Variants in NELL1 observed in about 807,000 individuals in gnomAD.
NELL1 encodes the protein neural EGFL like 1.
In NELL1, 76 loss-of-function variants were observed where a neutral mutation model predicts 107.4. The observed-to-expected ratio is 0.71, with a 90% confidence interval of 0.59 to 0.86. The LOEUF (loss-of-function observed/expected upper bound fraction) is 0.86, where lower values mean the gene tolerates loss of function less well. Ranked by LOEUF, NELL1 falls within the 40% of genes least tolerant of loss-of-function variation. The probability of loss-of-function intolerance (pLI) is 0.00; values close to 1 mark genes in which losing one functional copy is unlikely to be tolerated. For synonymous variants in NELL1, 353 were observed against 341.2 expected, an observed-to-expected ratio of 1.03 and a Z score of -0.38; for missense variants, 1,024 against 1,005.5, an observed-to-expected ratio of 1.02 and a Z score of -0.25.
At chr11:21,123,889 T>C (rs2067505) in intron 13 of NELL1, among the ~76,000 whole-genome samples, 2,588 of 152,264 alleles carry the variant, frequency 0.017, 79 homozygotes, top group African/African-American at 0.059. Flanking sequence ...TTTAAAAGAA[T>C]ATTATGTGTC....
intron 14 of NELL1, among the ~76,000 whole-genome samples, chr11:21,252,397 T>A (rs1342447668): frequency 2.0e-5 from 3 of 152,088 alleles, no homozygotes; most frequent in African/African-American, 7.2e-5. Flanking sequence ...TGGAGCTAGA[T>A]CAGGGATCCA....
intron 15 of NELL1, among the ~76,000 whole-genome samples, chr11:21,493,609 G>T (rs1031287165): frequency 3.3e-5 from 5 of 151,946 alleles, no homozygotes; most frequent in African/African-American, 1.2e-4. Flanking sequence ...GGGTGGGATG[G>T]GAAGCAGATT....
Position 20,757,456 on chromosome 11 carries a change from T to C in NELL1, c.185-26224T>C, listed in dbSNP as rs561224321. Among the ~76,000 whole-genome samples the C allele has an allele frequency of 1.6e-4, 24 of 152,344 alleles. No individual in the cohort carries two copies. The East Asian group carries it at 4.6e-3, about 29-fold the overall frequency. ...CCTTTCAAATTTCTATTAGCCAGCT[T>C]TAGCTGGACTCTTATTATCTTCCTT... On this transcript the variant is annotated intron_variant, in intron 2 of 19. Transcript: ENST00000357134.
intron 14 of NELL1, among the ~76,000 whole-genome samples, chr11:21,263,921 A>AAT (rs1848584863): frequency 6.6e-6 from 1 of 151,976 alleles, no homozygotes; most frequent in South Asian, 2.1e-4. Context: ...AAAGCTCTTA[A>AAT]ATATATAACT....
At chr11:20,893,116 G>A (rs183182056) in intron 5 of NELL1, among the ~76,000 whole-genome samples, 12 of 151,940 alleles carry the variant, frequency 7.9e-5, no homozygotes, top group African/African-American at 2.9e-4. Flanking sequence ...CAGAGACATG[G>A]GTGAAGCTGG....
At position 21,501,431 on chromosome 11, in the gene NELL1, C is replaced by T. The variant is rs567783855; in HGVS notation, c.1646-32943C>T. On this transcript the variant is annotated intron_variant, in intron 15 of 19. Transcript: ENST00000357134. ...TCCTTGGATACTGTGTTTAAGATTT[C>T]ACATTAGCATGTTTTTTCTTGGTAT... Among the ~76,000 whole-genome samples the T allele has an allele frequency of 3.3e-5, 5 of 152,238 alleles. No individual in the cohort carries two copies. In the South Asian group the frequency reaches 1.0e-3, roughly 32 times the overall value.
chr11:20,765,567 G>A (rs1051323237), intron 2 of NELL1, among the ~76,000 whole-genome samples: 2 of 152,172 alleles, frequency 1.3e-5, no homozygotes, highest in African/African-American at 4.8e-5. Context: ...GTGATGAATG[G>A]CAGGTAACCA....
At chr11:21,245,545 C>T (rs1354415800) in intron 14 of NELL1, among the ~76,000 whole-genome samples, 1 of 152,124 alleles carries the variant, frequency 6.6e-6, no homozygotes, top group East Asian at 1.9e-4. Flanking sequence ...TTGTTTTCAC[C>T]TCTACTCTGT....
At chr11:21,499,460 A>T (rs529227017) in intron 15 of NELL1, among the ~76,000 whole-genome samples, 1 of 152,126 alleles carries the variant, frequency 6.6e-6, no homozygotes, top group Admixed American at 6.6e-5. Context: ...ATATTTTTGA[A>T]AAACTTTGTC....
At chr11:21,169,198 C>T (rs764974930) in intron 13 of NELL1, among the ~76,000 whole-genome samples, 2 of 151,750 alleles carry the variant, frequency 1.3e-5, no homozygotes, top group Non-Finnish European at 2.9e-5. Flanking sequence ...GAGGGAACAA[C>T]CAAGTGAAAT....
intron 13 of NELL1, among the ~76,000 whole-genome samples, chr11:21,163,742 G>T (rs1490819246): frequency 6.6e-6 from 1 of 152,100 alleles, no homozygotes; most frequent in Non-Finnish European, 1.5e-5. Context: ...TGTGTCCTCA[G>T]ATGTTAGAAG....
intron 15 of NELL1, among the ~76,000 whole-genome samples, chr11:21,409,375 G>A (rs1370557950): frequency 2.0e-5 from 3 of 151,946 alleles, no homozygotes; most frequent in Non-Finnish European, 2.9e-5. Flanking sequence ...GGTGGGAATT[G>A]AACAATGAGA....
chr11:21,064,566 C>G (rs1590601118), intron 12 of NELL1, among the ~76,000 whole-genome samples: 1 of 152,040 alleles, frequency 6.6e-6, no homozygotes, highest in South Asian at 2.1e-4. Flanking sequence ...CAGATTTTAT[C>G]CTGTGTGCAA....
intron 15 of NELL1, among the ~76,000 whole-genome samples, chr11:21,419,333 G>C (rs767132490): frequency 8.6e-5 from 13 of 151,858 alleles, no homozygotes; most frequent in Admixed American, 3.9e-4. Flanking sequence ...ATATTAAATT[G>C]GAAAAAAAAT....
intron 17 of NELL1, among the ~76,000 whole-genome samples, chr11:21,567,522 C>A (rs1172710820): frequency 3.3e-5 from 5 of 151,796 alleles, no homozygotes; most frequent in South Asian, 4.1e-4. Context: ...ATTTTTGGAA[C>A]ACTATGATTT....
At position 21,080,905 on chromosome 11, in the gene NELL1, A is replaced by G. The variant is rs191410138; in HGVS notation, c.1301-32684A>G. ...ATATATATTACATACACACACACAC[A>G]CACGCACACACACACAGAGATAAAA... On this transcript the variant is annotated intron_variant, in intron 12 of 19. Transcript: ENST00000357134. Among the ~76,000 whole-genome samples, 38 of 152,138 alleles carry G rather than the reference A, an allele frequency of 2.5e-4. No individual in the cohort carries two copies. The East Asian group carries it at 3.5e-3, about 14-fold the overall frequency.
chr11:21,421,336 C>T (rs1852664071), intron 15 of NELL1, among the ~76,000 whole-genome samples: 1 of 152,052 alleles, frequency 6.6e-6, no homozygotes, highest in African/African-American at 2.4e-5. Flanking sequence ...AACAATAAAC[C>T]ACCCTTAATT....
chr11:21,023,798 A>G (rs1484476836), intron 12 of NELL1, among the ~76,000 whole-genome samples: 3 of 152,050 alleles, frequency 2.0e-5, no homozygotes, highest in Non-Finnish European at 4.4e-5. Context: ...GTGTGGTGTC[A>G]TTGTCCTGGT....
At chr11:21,078,641 C>CATACACACAGAG (rs1487967538) in intron 12 of NELL1, among the ~76,000 whole-genome samples, 3 of 152,108 alleles carry the variant, frequency 2.0e-5, no homozygotes, top group Non-Finnish European at 2.9e-5. Context: ...CACATACCAA[C>CATACACACAGAG]ATACACACAG....
Sources: gnomAD v4.1 joint callset for allele counts (sites outside exome capture counted in the v4.1 genomes callset) on GRCh38, gnomAD v4.1.1 for gene constraint, MANE v1.5 for transcripts, NCBI Gene and HGNC (gene_info 2026-07-23, HGNC 2026-07-21) for gene names.